CSAD: variants seen among roughly 807,000 people sequenced by gnomAD.
CSAD encodes cysteine sulfinic acid decarboxylase.
CSAD carries 47 observed loss-of-function variants against 61.5 expected under a neutral mutation model. The ratio of observed to expected loss-of-function variants is 0.76; its 90% CI spans 0.60 to 0.97. The LOEUF (loss-of-function observed/expected upper bound fraction) is 0.97. Among genes scored for constraint, CSAD ranks in the 50% least tolerant of loss-of-function variants. CSAD has a pLI of 0.00. For synonymous variants in CSAD, 245 were observed against 252.7 expected, an observed-to-expected ratio of 0.97 and a Z score of 0.29; for missense variants, 611 against 643.6, an observed-to-expected ratio of 0.95 and a Z score of 0.55.
rs1236034755 is a variant in CSAD at position 53,161,124 on chromosome 12, C to G, written c.884+3G>C. 2.5e-6 allele frequency: 4 copies of G among 1,613,714 alleles called. No individual in the cohort carries two copies. Among genetic ancestry groups the G allele is most frequent in the Non-Finnish European group, 2.5e-6 (3 of 1,179,638 alleles). On this transcript the variant is annotated splice_donor_region_variant and intron_variant, in intron 12 of 16. Transcript: ENST00000444623. ...GATTTGGGAAGAAGGGGACTGTATG[C>G]ACCTCTGGATCCCATCCAGGAGATG... is the stretch of plus-strand genomic sequence containing the variant.
At chr12:53,161,922 T>C (rs1391338218) in intron 10 of CSAD, among the ~76,000 whole-genome samples, 1 of 152,114 alleles carries the variant, frequency 6.6e-6, no homozygotes, top group South Asian at 2.1e-4. Context: ...ATTTTGCCAC[T>C]GCACTCCAGC....
rs753181831 is a variant in CSAD at position 53,173,769 on chromosome 12, T to C, written c.-48A>G. On this transcript the variant is annotated splice_region_variant and 5_prime_UTR_variant, in exon 3 of 17. Transcript: ENST00000444623. ...GCCGGAGGCAGGGTGCACAGGTAGC[T>C]CCTCAGGACAGCAGGACCAAGATGG... 1.9e-6 allele frequency: 3 copies of C among 1,613,224 alleles called. No homozygotes were observed. The highest frequency in any genetic ancestry group is 4.5e-5 in the East Asian group (2 of 44,892).
intron 10 of CSAD, among the ~76,000 whole-genome samples, chr12:53,167,203 G>A (rs550115867): frequency 6.6e-6 from 1 of 152,296 alleles, no homozygotes; most frequent in South Asian, 2.1e-4. Flanking sequence ...AGTATCCATG[G>A]ATGAGGAAGA....
At chr12:53,171,017 G>C in intron 8 of CSAD, 1 of 524,936 alleles carries the variant, frequency 1.9e-6, no homozygotes, top group East Asian at 4.3e-5. Flanking sequence ...CACCGTGCCC[G>C]GCCAGATTCT....
chr12:53,163,061 C>CA lies in CSAD; in HGVS notation c.703-1673dup, dbSNP rs139430790. ...GGGCAACAAGAGCAAAACTCTGTCTCAAAAAAAAAAAAAAGAAAAAAAATA... is the reference window on the plus strand; with the variant it reads ...GGGCAACAAGAGCAAAACTCTGTCTCAAAAAAAAAAAAAAAGAAAAAAAATA... On this transcript the variant is annotated intron_variant, in intron 10 of 16. Coordinates refer to ENST00000444623, the MANE Select transcript of CSAD (RefSeq NM_001244705.2). 7.4e-3 allele frequency among the ~76,000 whole-genome samples: 836 copies of CA among 112,408 alleles called. 6 individuals are homozygous for CA. Among genetic ancestry groups the CA allele is most frequent in the African/African-American group, 0.022 (688 of 31,526 alleles). 73.7% of individuals were successfully genotyped at this position (112,408 alleles called of 152,430 possible).
chr12:53,158,346 G>C lies in CSAD; in HGVS notation c.*165C>G, dbSNP rs1938793190. 8.6e-6 allele frequency: 5 copies of C among 578,706 alleles called. No homozygotes were observed. The highest frequency in any genetic ancestry group is 1.5e-5 in the Non-Finnish European group (5 of 335,404). 35.8% of individuals were successfully genotyped at this position (578,706 alleles called of 1,614,324 possible). A position where few individuals can be genotyped will look rare whatever the true frequency, so the allele number is the denominator to read the frequency against. On this transcript the variant is annotated 3_prime_UTR_variant, in exon 17 of 17. Transcript: ENST00000444623. ...AGACAGGGTTTCACCTTATTGGCCA[G>C]GCTGGTCTCGAACTCCTGACCTCAA...
chr12:53,161,102 T>G (rs771575354), intron 12 of CSAD, 25 bp downstream of exon 12: 68 of 1,609,750 alleles, frequency 4.2e-5, no homozygotes, highest in Non-Finnish European at 5.8e-5. Context: ...AGGGCGGGAT[T>G]TGGGAAGAAG....
At chr12:53,180,942 GA>G, upstream of CSAD, 1 of 893,978 alleles carries the variant, frequency 1.1e-6, no homozygotes, top group Non-Finnish European at 1.4e-6. Flanking sequence ...GGGAGGGGAG[GA>G]GGGGCGCGTG....
Position 53,174,360 on chromosome 12 carries a change from C to T in CSAD, c.-49-590G>A, listed in dbSNP as rs775806502. On this transcript the variant is annotated intron_variant, in intron 2 of 16. Coordinates refer to ENST00000444623, the MANE Select transcript of CSAD (RefSeq NM_001244705.2). ...TACTGAAAAAGAAGGAAAAAGACTT[C>T]AAAATATTCATTTGTGGCTATTTCT... Among the ~76,000 whole-genome samples the T allele has an allele frequency of 9.1e-4, 138 of 151,256 alleles. 1 individual carries two copies. The highest frequency in any genetic ancestry group is 1.5e-3 in the Non-Finnish European group (100 of 67,796).
chr12:53,180,477 T>C, intron 1 of CSAD: 2 of 1,184,392 alleles, frequency 1.7e-6, no homozygotes, highest in South Asian at 1.5e-5. Context: ...TCAGTCTCGA[T>C]GGCGGCCGGG....
chr12:53,159,552 C>T (rs964008025), intron 16 of CSAD, 71 bp downstream of exon 16: 3 of 1,350,862 alleles, frequency 2.2e-6, no homozygotes, highest in Non-Finnish European at 3.1e-6. Flanking sequence ...CACTCCCAGC[C>T]AACAGGGGGC....
At chr12:53,158,792 CA>C in intron 16 of CSAD, 108 bp from the exon 17 acceptor site, 3 of 1,040,038 alleles carry the variant, frequency 2.9e-6, no homozygotes, top group Non-Finnish European at 4.2e-6. Context: ...CCCACCCAGC[CA>C]CCTTCTGGGG....
At chr12:53,162,208 G>A (rs1442052266) in intron 10 of CSAD, among the ~76,000 whole-genome samples, 34 of 151,898 alleles carry the variant, frequency 2.2e-4, no homozygotes, top group Admixed American at 2.2e-3. Context: ...GGGAGGCAGA[G>A]GTTGCACTGA....
chr12:53,160,260 G>C lies in CSAD; in HGVS notation c.1026C>G (p.Phe342Leu). ...CTCCCGTGTCCAGAGCCACATCGTAGAACTTGTCCTGCTGGAAAAGGTAGC... is the reference window on the plus strand; with the variant it reads ...CTCCCGTGTCCAGAGCCACATCGTACAACTTGTCCTGCTGGAAAAGGTAGC... ...QASYLFQQDK[F>L]YDVALDTGDK... Residue 342 changes from phenylalanine to leucine, a missense_variant, in exon 14 of 17, where the codon TTC becomes TTG. Phe to Leu is a conservative substitution (Grantham distance 22, BLOSUM62 0). Coordinates refer to ENST00000444623, the MANE Select transcript of CSAD (RefSeq NM_001244705.2). The C allele has an allele frequency of 6.2e-7, 1 of 1,614,228 alleles. No homozygotes were observed. The highest frequency in any genetic ancestry group is 2.2e-5 in the East Asian group (1 of 44,880).
intron 10 of CSAD, among the ~76,000 whole-genome samples, chr12:53,169,209 A>G (rs10876416): frequency 0.098 from 14,439 of 147,178 alleles, 853 homozygotes; most frequent in East Asian, 0.17. Context: ...GCCGGGTGCA[A>G]TGGCTCATGC....
At chr12:53,168,998 G>A (rs1276267764) in intron 10 of CSAD, among the ~76,000 whole-genome samples, 2 of 151,836 alleles carry the variant, frequency 1.3e-5, no homozygotes, top group African/African-American at 2.4e-5. Flanking sequence ...TGGCCGACGT[G>A]GTGAAACCCC....
At chr12:53,160,009 G>C (rs1197788832) in intron 14 of CSAD, 71 bp from the exon 15 acceptor site, 18 of 1,596,610 alleles carry the variant, frequency 1.1e-5, no homozygotes, top group Non-Finnish European at 1.5e-5. Context: ...GGCCCACGTA[G>C]AATGAGCCAC....
rs772329246 is a variant in CSAD at position 53,159,643 on chromosome 12, A to C, written c.1288T>G (p.Tyr430Asp). Residue 430 changes from tyrosine (Y) to aspartate (D), a missense_variant, in exon 16 of 17, where the codon TAC (tyrosine) becomes GAC (aspartate). By Grantham distance (160) the Tyr-to-Asp change is radical. Transcript: ENST00000444623. ...CCTACCTTTGACAGCCTTTCGTGGT[A>C]ATCTGGACTCTCCTGCTTCCCTCGC... ...SLRGKQESPDYHERLSKVAPV... is the reference protein window; with the variant it reads ...SLRGKQESPDDHERLSKVAPV... 6.2e-7 allele frequency: 1 copy of C among 1,611,694 alleles called. No homozygotes were observed. Among genetic ancestry groups the C allele is most frequent in the Non-Finnish European group, 8.5e-7 (1 of 1,179,036 alleles).
At chr12:53,164,961 G>C (rs1937457528) in intron 10 of CSAD, among the ~76,000 whole-genome samples, 1 of 152,076 alleles carries the variant, frequency 6.6e-6, no homozygotes, top group Non-Finnish European at 1.5e-5. Flanking sequence ...CTAATCATTA[G>C]GGAAATACAA....
Sources: allele counts gnomAD v4.1 joint callset (sites outside exome capture counted in the v4.1 genomes callset), GRCh38; gene constraint gnomAD v4.1.1; transcripts MANE v1.5; gene names NCBI Gene and HGNC (gene_info 2026-07-23, HGNC 2026-07-21).